Variants in BRAF observed in about 807,000 individuals in gnomAD.
BRAF encodes the protein B-Raf proto-oncogene, serine/threonine kinase, also known as serine/threonine-protein kinase B-raf.
A neutral mutation model predicts 104.6 loss-of-function variants in BRAF; 16 were observed. The observed-to-expected ratio is 0.15, with a 90% CI of 0.10 to 0.23. BRAF has a LOEUF of 0.23. BRAF is among the 10% of genes least tolerant of loss of function. The probability of loss-of-function intolerance (pLI) is 1.00; values close to 1 mark genes in which losing one functional copy is unlikely to be tolerated. For synonymous variants in BRAF, 310 were observed against 341.6 expected (o/e 0.91, Z 1.02); for missense variants, 541 against 937.3 (o/e 0.58, Z 5.52).
intron 1 of BRAF, among the ~76,000 whole-genome samples, chr7:140,913,729 G>A (rs553296663): frequency 4.6e-5 from 7 of 151,900 alleles, no homozygotes; most frequent in Non-Finnish European, 8.8e-5. Context: ...TGATCCACCC[G>A]CCAGGGCCTT....
At chr7:140,892,659 G>C (rs58444706) in intron 1 of BRAF, among the ~76,000 whole-genome samples, 10,730 of 152,242 alleles carry the variant, frequency 0.07, 1,174 homozygotes, top group African/African-American at 0.24. Context: ...GACGTGGGCA[G>C]GGGTAGAGAG....
At chr7:140,881,864 AC>A (rs1176251177) in intron 1 of BRAF, among the ~76,000 whole-genome samples, 1 of 152,220 alleles carries the variant, frequency 6.6e-6, no homozygotes, top group Non-Finnish European at 1.5e-5. Flanking sequence ...CACAATATTT[AC>A]TGATTAAGTT....
intron 4 of BRAF, 72 bp downstream of exon 4, chr7:140,808,820 C>T: frequency 7.9e-7 from 1 of 1,259,014 alleles, no homozygotes. Context: ...TGGTAAAGAT[C>T]CTAAGAAAAC....
chr7:140,721,085 T>A lies in BRAF; in HGVS notation c.*5409A>T, dbSNP rs567770977. The A allele has an allele frequency of 1.1e-5, 12 of 1,063,658 alleles. No individual in the cohort carries two copies. In the East Asian group the frequency reaches 6.1e-4, roughly 54 times the overall value. The allele number at this position is 1,063,658 out of a possible 1,614,324, so 65.9% of individuals were successfully genotyped here. A position where few individuals can be genotyped will look rare whatever the true frequency, so the allele number is the denominator to read the frequency against. ...ATCTACAGAATTCTTTAAAAAAAAATGCACCTCTAAAAAATGGATACACTG... is the reference window on the plus strand; with the variant it reads ...ATCTACAGAATTCTTTAAAAAAAAAAGCACCTCTAAAAAATGGATACACTG... On this transcript the variant is annotated 3_prime_UTR_variant, in exon 20 of 20. Transcript: ENST00000644969.
chr7:140,837,168 T>C (rs1213096119), intron 2 of BRAF, among the ~76,000 whole-genome samples: 3 of 152,230 alleles, frequency 2.0e-5, no homozygotes, highest in Non-Finnish European at 4.4e-5. Flanking sequence ...GCATTCAATA[T>C]GAACTTCAAT....
chr7:140,906,045 G>T lies in BRAF; in HGVS notation c.138+18521C>A, dbSNP rs1426743482. 5.1e-5 allele frequency among the ~76,000 whole-genome samples: 6 copies of T among 118,222 alleles called. No individual in the cohort carries two copies. In the Admixed American group the frequency reaches 5.3e-4, roughly 10 times the overall value. The allele number at this position is 118,222 out of a possible 152,430, so 77.6% of individuals were successfully genotyped here. A position where few individuals can be genotyped will look rare whatever the true frequency, so the allele number is the denominator to read the frequency against. On this transcript the variant is annotated intron_variant, in intron 1 of 19. Transcript: ENST00000644969. The stretch of plus-strand genomic sequence containing the variant: ...GGAGCTTGCAGTGAGCCGAGATCCC[G>T]CCACTGCACTCCAGCCTGGGCAACA...
intron 1 of BRAF, among the ~76,000 whole-genome samples, chr7:140,891,977 C>A (rs1250043485): frequency 6.6e-6 from 1 of 152,150 alleles, no homozygotes; most frequent in Non-Finnish European, 1.5e-5. Context: ...AAAGGTAAGG[C>A]CAGGTGCAGT....
At position 140,722,578 on chromosome 7, in the gene BRAF, A is replaced by T; in HGVS notation, c.*3916T>A. ...ATGGTGTTTATAGCCTAATGGTTGG[A>T]ATCTGCTCGTCTCAAGGTGCTGGTA... On this transcript the variant is annotated 3_prime_UTR_variant, in exon 20 of 20. Coordinates refer to ENST00000644969, the MANE Select transcript of BRAF (RefSeq NM_001374258.1). 2 of 1,055,532 alleles carry T rather than the reference A, an allele frequency of 1.9e-6. No homozygotes were observed. The highest frequency in any genetic ancestry group is 2.3e-6 in the Non-Finnish European group (2 of 873,120). 65.4% of individuals were successfully genotyped at this position (1,055,532 alleles called of 1,614,324 possible). A position where few individuals can be genotyped will look rare whatever the true frequency, so the allele number is the denominator to read the frequency against.
At chr7:140,885,646 G>C (rs1813479623) in intron 1 of BRAF, among the ~76,000 whole-genome samples, 1 of 152,170 alleles carries the variant, frequency 6.6e-6, no homozygotes, top group African/African-American at 2.4e-5. Flanking sequence ...GTCTATTTTT[G>C]TATGTGGATA....
chr7:140,886,021 C>T (rs1467803430), intron 1 of BRAF, among the ~76,000 whole-genome samples: 1 of 152,136 alleles, frequency 6.6e-6, no homozygotes, highest in Non-Finnish European at 1.5e-5. Flanking sequence ...GAAAAATCTT[C>T]AACAGAGTTT....
At chr7:140,735,124 G>A (rs1407337584) in intron 18 of BRAF, among the ~76,000 whole-genome samples, 4 of 152,058 alleles carry the variant, frequency 2.6e-5, no homozygotes, top group African/African-American at 4.8e-5. Flanking sequence ...TTTTGTTATA[G>A]ACCACAAGTC....
At chr7:140,742,489 C>T (rs1797009919) in intron 17 of BRAF, among the ~76,000 whole-genome samples, 2 of 152,112 alleles carry the variant, frequency 1.3e-5, no homozygotes, top group South Asian at 4.1e-4. Flanking sequence ...CCACCACGCC[C>T]AGCCAACATG....
intron 1 of BRAF, among the ~76,000 whole-genome samples, chr7:140,865,973 T>C (rs998113681): frequency 6.6e-6 from 1 of 152,174 alleles, no homozygotes; most frequent in Non-Finnish European, 1.5e-5. Flanking sequence ...GGAAACAGTA[T>C]CAAGAATAAC....
intron 13 of BRAF, among the ~76,000 whole-genome samples, chr7:140,777,410 AGTGT>A (rs965545905): frequency 6.6e-6 from 1 of 152,188 alleles, no homozygotes; most frequent in African/African-American, 2.4e-5. Flanking sequence ...AAAGTTTCCA[AGTGT>A]TGAGACAAAA....
chr7:140,838,365 CA>C (rs1364425272), intron 2 of BRAF, among the ~76,000 whole-genome samples: 1 of 152,020 alleles, frequency 6.6e-6, no homozygotes, highest in Non-Finnish European at 1.5e-5. Context: ...TACCACATAG[CA>C]AAAATCCAAT....
intron 3 of BRAF, among the ~76,000 whole-genome samples, chr7:140,813,380 T>C (rs1212356414): frequency 6.6e-6 from 1 of 152,152 alleles, no homozygotes; most frequent in East Asian, 1.9e-4. Flanking sequence ...AAAAAAAAAT[T>C]GATAACATAT....
At chr7:140,870,383 A>T (rs1257956634) in intron 1 of BRAF, among the ~76,000 whole-genome samples, 2 of 152,232 alleles carry the variant, frequency 1.3e-5, no homozygotes, top group Admixed American at 6.5e-5. Flanking sequence ...TTTCAAAAAT[A>T]TTCTTAAAAC....
chr7:140,757,345 G>A (rs550088809), intron 14 of BRAF, among the ~76,000 whole-genome samples: 13 of 151,850 alleles, frequency 8.6e-5, no homozygotes, highest in Non-Finnish European at 1.5e-4. Context: ...CCTGGAGTGC[G>A]GTGGTGCGAT....
intron 1 of BRAF, among the ~76,000 whole-genome samples, chr7:140,873,165 GCT>G (rs1491174812): frequency 6.0e-5 from 8 of 133,790 alleles, no homozygotes; most frequent in African/African-American, 2.3e-4. Flanking sequence ...ACAGTCTGTG[GCT>G]TTTTTTTTTT....
Sources: allele counts gnomAD v4.1 joint callset (sites outside exome capture counted in the v4.1 genomes callset), GRCh38; gene constraint gnomAD v4.1.1; transcripts MANE v1.5; gene names NCBI Gene and HGNC (gene_info 2026-07-23, HGNC 2026-07-21).